Variants in PIK3C3 observed in about 807,000 individuals in gnomAD.
PIK3C3 encodes phosphatidylinositol 3-kinase catalytic subunit type 3.
PIK3C3 carries 95 observed loss-of-function variants against 126.1 expected under a neutral mutation model. The observed-to-expected ratio is 0.75, with a 90% CI of 0.64 to 0.89. PIK3C3 has a LOEUF of 0.89. PIK3C3 is among the 40% of genes least tolerant of loss of function. PIK3C3 has a pLI of 0.00. For synonymous variants in PIK3C3, 374 were observed against 360.0 expected (o/e 1.04, Z -0.44); for missense variants, 829 against 1,063.2 (o/e 0.78, Z 3.06).
chr18:42,056,676 A>G (rs540369955), intron 21 of PIK3C3, among the ~76,000 whole-genome samples: 1 of 152,156 alleles, frequency 6.6e-6, no homozygotes, highest in Non-Finnish European at 1.5e-5. Context: ...AAATGAGAAT[A>G]AAGTACCAAA....
intron 21 of PIK3C3, 95 bp downstream of exon 21, chr18:42,049,700 G>T: frequency 9.8e-7 from 1 of 1,024,094 alleles, no homozygotes; most frequent in East Asian, 2.5e-5. Flanking sequence ...GCGGCCTGGC[G>T]CGGTGGCTCA....
intron 24 of PIK3C3, among the ~76,000 whole-genome samples, chr18:42,072,390 G>A (rs545280420): frequency 2.0e-5 from 3 of 152,092 alleles, no homozygotes; most frequent in Admixed American, 1.3e-4. Flanking sequence ...CTTTCATCAT[G>A]CAATTCCTTA....
chr18:41,992,327 A>T (rs1299502790), intron 6 of PIK3C3, among the ~76,000 whole-genome samples: 1 of 152,160 alleles, frequency 6.6e-6, no homozygotes, highest in Non-Finnish European at 1.5e-5. Context: ...TGGTGTTGTG[A>T]CTGAGAACAA....
chr18:41,984,281 C>T (rs945439453), intron 4 of PIK3C3, among the ~76,000 whole-genome samples: 1 of 151,920 alleles, frequency 6.6e-6, no homozygotes, highest in Admixed American at 6.6e-5. Flanking sequence ...TCTTTAGTAT[C>T]TATAGAAGTT....
chr18:42,067,406 T>G lies in PIK3C3; in HGVS notation c.2542T>G (p.Leu848Val). Reference protein sequence around the residue: ...TVKKVQDKFRLDLSDEEAVHY... With the variant: ...TVKKVQDKFRVDLSDEEAVHY... ...CTTATAGGTTCAGGATAAATTCCGC[T>G]TAGACCTGTCGGATGAAGAGGCTGT... Residue 848 changes from leucine (L) to valine (V), a missense_variant, in exon 24 of 25, where the codon TTA (leucine) becomes GTA (valine). Coordinates refer to ENST00000262039, the MANE Select transcript of PIK3C3 (RefSeq NM_002647.4). 2 of 1,614,084 alleles carry G rather than the reference T, an allele frequency of 1.2e-6. No homozygotes were observed. The highest frequency in any genetic ancestry group is 1.7e-6 in the Non-Finnish European group (2 of 1,179,930).
At chr18:41,995,763 A>G (rs369261980) in intron 7 of PIK3C3, 127 bp from the exon 8 acceptor site, 24 of 674,084 alleles carry the variant, frequency 3.6e-5, no homozygotes, top group Admixed American at 2.1e-4. Flanking sequence ...GAAGACTGCT[A>G]AAGTTGTATC....
At chr18:42,010,335 C>T (rs1010637245) in intron 10 of PIK3C3, among the ~76,000 whole-genome samples, 1 of 152,010 alleles carries the variant, frequency 6.6e-6, no homozygotes, top group East Asian at 1.9e-4. Context: ...TTGCTATTTC[C>T]GTGACTTCTG....
intron 4 of PIK3C3, among the ~76,000 whole-genome samples, chr18:41,987,136 T>C (rs564394592): frequency 1.1e-3 from 161 of 152,198 alleles, no homozygotes; most frequent in Non-Finnish European, 1.7e-3. Flanking sequence ...TGATTTTTAG[T>C]ATTACAGTTT....
chr18:41,972,917 A>G (rs1466026067), intron 4 of PIK3C3, among the ~76,000 whole-genome samples: 1 of 152,084 alleles, frequency 6.6e-6, no homozygotes, highest in African/African-American at 2.4e-5. Context: ...AGATTTGACA[A>G]AATTGGAAGG....
intron 13 of PIK3C3, chr18:42,026,876 T>C (rs1176461529): frequency 6.6e-6 from 1 of 152,274 alleles, no homozygotes; most frequent in Non-Finnish European, 1.5e-5. Flanking sequence ...ATTTAAAATG[T>C]CTTTTACTCT....
chr18:42,029,279 C>G, intron 14 of PIK3C3, 46 bp from the exon 15 acceptor site: 2 of 1,105,256 alleles, frequency 1.8e-6, no homozygotes, highest in Non-Finnish European at 2.8e-6. Context: ...AAATCCAGAT[C>G]ATTACGCAAC....
At chr18:41,961,178 A>G (rs1043554261) in intron 2 of PIK3C3, among the ~76,000 whole-genome samples, 1 of 152,220 alleles carries the variant, frequency 6.6e-6, no homozygotes, top group Admixed American at 6.5e-5. Flanking sequence ...GACAGAATAC[A>G]GAATAATAAA....
intron 20 of PIK3C3, among the ~76,000 whole-genome samples, chr18:42,046,215 C>G (rs990854816): frequency 6.6e-6 from 1 of 152,174 alleles, no homozygotes; most frequent in African/African-American, 2.4e-5. Flanking sequence ...TAGGCCTTCT[C>G]TTCATCTAGA....
At chr18:41,996,378 CT>C (rs1363520602) in intron 8 of PIK3C3, among the ~76,000 whole-genome samples, 1 of 151,988 alleles carries the variant, frequency 6.6e-6, no homozygotes, top group Non-Finnish European at 1.5e-5. Flanking sequence ...GGTTTTGTTT[CT>C]GGTTGAATTA....
At chr18:42,038,717 C>T in intron 17 of PIK3C3, 64 bp from the exon 18 acceptor site, 1 of 970,788 alleles carries the variant, frequency 1.0e-6, no homozygotes. Context: ...ATACTATTTG[C>T]CCACAAAACT....
In PIK3C3 at chr18:42,029,447, C is replaced by T; in HGVS notation, c.1707+6C>T. 2.0e-6 allele frequency: 3 copies of T among 1,526,424 alleles called. No individual in the cohort carries two copies. Among genetic ancestry groups the T allele is most frequent in the Non-Finnish European group, 1.8e-6 (2 of 1,100,856 alleles). 94.6% of individuals were successfully genotyped at this position (1,526,424 alleles called of 1,614,324 possible). A position where few individuals can be genotyped will look rare whatever the true frequency, so the allele number is the denominator to read the frequency against. Reference sequence around the variant, plus strand: ...GTGGAAATCGTAAGAAAAAGGTAAGCCTATGGTGTATGCTTTTGTTCCTAA... The same window carrying T: ...GTGGAAATCGTAAGAAAAAGGTAAGTCTATGGTGTATGCTTTTGTTCCTAA... On this transcript the variant is annotated splice_donor_region_variant and intron_variant, in intron 15 of 24. Transcript: ENST00000262039.
At chr18:42,047,006 A>T (rs968008254) in intron 20 of PIK3C3, among the ~76,000 whole-genome samples, 3 of 152,300 alleles carry the variant, frequency 2.0e-5, no homozygotes, top group African/African-American at 7.2e-5. Flanking sequence ...CTCAAATTTG[A>T]TGATGAGTAG....
intron 23 of PIK3C3, 23 bp downstream of exon 23, chr18:42,064,853 GA>G (rs1346620083): frequency 8.3e-7 from 1 of 1,211,578 alleles, no homozygotes; most frequent in Non-Finnish European, 1.2e-6. Flanking sequence ...TAACATAAAT[GA>G]AGAGCTCTTC....
chr18:42,062,312 A>G, intron 22 of PIK3C3, among the ~76,000 whole-genome samples: 1 of 151,726 alleles, frequency 6.6e-6, no homozygotes, highest in East Asian at 1.9e-4. Context: ...AGCCCTCTCA[A>G]GTGGATCATC....
Sources: allele counts gnomAD v4.1 joint callset (sites outside exome capture counted in the v4.1 genomes callset), GRCh38; gene constraint gnomAD v4.1.1; transcripts MANE v1.5; gene names NCBI Gene and HGNC (gene_info 2026-07-23, HGNC 2026-07-21).